Variants in CLNS1A observed in about 807,000 individuals in gnomAD.
CLNS1A encodes the protein methylosome subunit pICln.
Under a neutral mutation model 29.4 loss-of-function variants are expected in CLNS1A, and 16 were observed. That is an observed-to-expected ratio of 0.54 (90% CI 0.37 to 0.83). The LOEUF (loss-of-function observed/expected upper bound fraction) is 0.83. CLNS1A is among the 40% of genes least tolerant of loss of function. The pLI is 0.00. For missense variants in CLNS1A, 235 were observed against 287.4 expected, an observed-to-expected ratio of 0.82 and a Z score of 1.32; for synonymous variants, 96 against 104.8, an observed-to-expected ratio of 0.92 and a Z score of 0.51.
At chr11:77,631,207 T>C (rs762256086) in intron 1 of CLNS1A, among the ~76,000 whole-genome samples, 7 of 152,136 alleles carry the variant, frequency 4.6e-5, no homozygotes, top group African/African-American at 7.2e-5. Context: ...ATGAAATCAA[T>C]GTCTAACCAC....
chr11:77,624,723 G>A (rs564110255), intron 4 of CLNS1A, among the ~76,000 whole-genome samples: 7 of 152,196 alleles, frequency 4.6e-5, no homozygotes, highest in Admixed American at 1.3e-4. Flanking sequence ...GAAGGCTGAG[G>A]CAGGAGAATC....
Position 77,622,731 on chromosome 11 carries a change from A to G in CLNS1A, c.473-58T>C, listed in dbSNP as rs896188784. On this transcript the variant is annotated intron_variant, in intron 4 of 6. Transcript: ENST00000525428. The stretch of plus-strand genomic sequence containing the variant: ...CAACAATTAGAAAAAACAAAATGGA[A>G]TCAATAATATATCTGCCGCCAGCCT... 13 of 1,313,186 alleles carry G rather than the reference A, an allele frequency of 9.9e-6. No individual in the cohort carries two copies. The African/African-American group carries it at 1.9e-4, about 20-fold the overall frequency. The allele number at this position is 1,313,186 out of a possible 1,614,324, so 81.3% of individuals were successfully genotyped here.
intron 1 of CLNS1A, among the ~76,000 whole-genome samples, chr11:77,631,699 A>G (rs781162362): frequency 2.9e-4 from 44 of 151,924 alleles, no homozygotes; most frequent in Non-Finnish European, 4.4e-4. Context: ...TTCTTATTAA[A>G]AAAAAAAAAG....
intron 5 of CLNS1A, among the ~76,000 whole-genome samples, chr11:77,621,677 T>C (rs1366368694): frequency 6.6e-6 from 1 of 152,224 alleles, no homozygotes; most frequent in Admixed American, 6.5e-5. Context: ...GTTAAATTTA[T>C]GCATCAACTT....
intron 4 of CLNS1A, among the ~76,000 whole-genome samples, chr11:77,623,753 T>C (rs1385706802): frequency 1.3e-5 from 2 of 152,028 alleles, no homozygotes; most frequent in Non-Finnish European, 2.9e-5. Flanking sequence ...TGGGTACATA[T>C]GAAGGAAAGG....
rs527533415 is a variant in CLNS1A at position 77,637,667 on chromosome 11, G to A, written c.48C>T (p.Leu16=). 1 of 1,570,964 alleles carries A rather than the reference G, an allele frequency of 6.4e-7. No individual in the cohort carries two copies. Among genetic ancestry groups the A allele is most frequent in the South Asian group, 1.2e-5 (1 of 85,506 alleles). ...CCTCAGTGTCTGGCTGCTGCCGCAG[G>A]AGCCCCTCCGCTGGCCCAGGCGGCG... ...SFPPPGPAEG[L]LRQQPDTEAV... Residue 16 remains leucine (L), a synonymous_variant, in exon 1 of 7, where the codon CTC becomes CTT. Transcript: ENST00000525428.
At chr11:77,632,190 T>G (rs1332099707) in intron 1 of CLNS1A, among the ~76,000 whole-genome samples, 1 of 152,214 alleles carries the variant, frequency 6.6e-6, no homozygotes, top group African/African-American at 2.4e-5. Flanking sequence ...TTCCTTTTAA[T>G]GTGGAGAGGA....
chr11:77,636,762 G>A (rs958906372), intron 1 of CLNS1A, among the ~76,000 whole-genome samples: 3 of 152,170 alleles, frequency 2.0e-5, no homozygotes, highest in African/African-American at 4.8e-5. Flanking sequence ...TCTGGCTGTA[G>A]ACAAGTGATG....
At chr11:77,622,095 T>C in intron 5 of CLNS1A, 1 of 456,674 alleles carries the variant, frequency 2.2e-6, no homozygotes, top group Non-Finnish European at 4.4e-6. Context: ...ATCGTGGACT[T>C]CTAGCCTCCA....
chr11:77,636,383 T>G (rs767111860), intron 1 of CLNS1A, among the ~76,000 whole-genome samples: 20 of 152,188 alleles, frequency 1.3e-4, no homozygotes, highest in Non-Finnish European at 2.4e-4. Flanking sequence ...CGGTCATATG[T>G]ACAACTACTC....
Position 77,615,322 on chromosome 11 carries a change from A to G in CLNS1A, c.*1396T>C, listed in dbSNP as rs1297559904. On this transcript the variant is annotated 3_prime_UTR_variant, in exon 7 of 7. Transcript: ENST00000525428. Reference sequence around the variant, plus strand: ...ACTGGCCATTGAAATGTTAACACTGAAACCCTGCAGCAGTGGGGAGAGTGT... The same window carrying G: ...ACTGGCCATTGAAATGTTAACACTGGAACCCTGCAGCAGTGGGGAGAGTGT... The G allele has an allele frequency of 6.6e-6, 1 of 152,166 alleles. No individual in the cohort carries two copies. The highest frequency in any genetic ancestry group is 2.4e-5 in the African/African-American group (1 of 41,436). 9.4% of individuals were successfully genotyped at this position (152,166 alleles called of 1,614,324 possible).
At chr11:77,632,589 C>G (rs897344892) in intron 1 of CLNS1A, among the ~76,000 whole-genome samples, 2 of 151,718 alleles carry the variant, frequency 1.3e-5, no homozygotes, top group Non-Finnish European at 2.9e-5. Flanking sequence ...CCAAGTTCCA[C>G]ACTTAAAAAC....
At chr11:77,618,808 A>AT (rs1382544442) in intron 6 of CLNS1A, 1 of 152,266 alleles carries the variant, frequency 6.6e-6, no homozygotes, top group Non-Finnish European at 1.5e-5. Flanking sequence ...GAATTCTGAA[A>AT]TATTTATCAT....
intron 1 of CLNS1A, among the ~76,000 whole-genome samples, chr11:77,631,465 C>A (rs1469393486): frequency 6.6e-6 from 1 of 151,530 alleles, no homozygotes; most frequent in Non-Finnish European, 1.5e-5. Context: ...GGACTACAGG[C>A]GCCCGCCACC....
Position 77,614,863 on chromosome 11 carries a change from A to C in CLNS1A, c.*1855T>G, listed in dbSNP as rs540834815. 6.6e-6 allele frequency: 1 copy of C among 152,324 alleles called. No individual in the cohort carries two copies. Among genetic ancestry groups the C allele is most frequent in the South Asian group, 2.1e-4 (1 of 4,826 alleles). The allele number at this position is 152,324 out of a possible 1,614,324, so 9.4% of individuals were successfully genotyped here. On this transcript the variant is annotated 3_prime_UTR_variant, in exon 7 of 7. Coordinates refer to ENST00000525428, the MANE Select transcript of CLNS1A (RefSeq NM_001293.3). ...ATCAATAAATATTGTCTGGCTGATCATTATAAATTTTATCTTTTAAAAGCC... is the reference window on the plus strand; with the variant it reads ...ATCAATAAATATTGTCTGGCTGATCCTTATAAATTTTATCTTTTAAAAGCC...
chr11:77,633,701 T>A lies in CLNS1A; in HGVS notation c.126-3802A>T, dbSNP rs572392444. Among the ~76,000 whole-genome samples the A allele has an allele frequency of 1.6e-3, 247 of 152,200 alleles. 1 individual carries two copies. The highest frequency in any genetic ancestry group is 5.2e-3 in the East Asian group (27 of 5,186). On this transcript the variant is annotated intron_variant, in intron 1 of 6. Coordinates refer to ENST00000525428, the MANE Select transcript of CLNS1A (RefSeq NM_001293.3). ...TTTGGAATGAGATACAAAAAAAAAA[T>A]TTTAAGTTTAAATTACCTAATTTTA...
At position 77,637,727 on chromosome 11, in the gene CLNS1A, C is replaced by A; in HGVS notation, c.-13G>T. On this transcript the variant is annotated 5_prime_UTR_variant, in exon 1 of 7. Coordinates refer to ENST00000525428, the MANE Select transcript of CLNS1A (RefSeq NM_001293.3). Reference sequence around the variant, plus strand: ...TGAGGAAGCTCATAGCAGCAGAGTGCGGCAACACAGGCCCTGAGGGAGTTG... The same window carrying A: ...TGAGGAAGCTCATAGCAGCAGAGTGAGGCAACACAGGCCCTGAGGGAGTTG... The A allele has an allele frequency of 1.3e-6, 2 of 1,552,518 alleles. No individual in the cohort carries two copies. The highest frequency in any genetic ancestry group is 1.7e-6 in the Non-Finnish European group (2 of 1,147,592).
chr11:77,625,647 A>ATG (rs955617743), intron 3 of CLNS1A, 70 bp downstream of exon 3: 50 of 1,155,618 alleles, frequency 4.3e-5, no homozygotes, highest in Admixed American at 2.9e-4. Context: ...GTGTGTGTGT[A>ATG]TGTGTGTGTG....
In CLNS1A at chr11:77,619,681, C is replaced by T. The variant is rs751924576; in HGVS notation, c.661G>A (p.Asp221Asn). Residue 221 changes from aspartate (D) to asparagine (N), a missense_variant, in exon 6 of 7, where the codon GAT becomes AAT. Asp to Asn is a conservative substitution (Grantham distance 23). Coordinates refer to ENST00000525428, the MANE Select transcript of CLNS1A (RefSeq NM_001293.3). Reference sequence around the variant, plus strand: ...TGTCCAGCAACTGTTGGTGTGGTATCCACCTCCATCCCATCTAAACAAAAA... The same window carrying T: ...TGTCCAGCAACTGTTGGTGTGGTATTCACCTCCATCCCATCTAAACAAAAA... ...IRDYEDGMEV[D>N]TTPTVAGQFE... is the part of the protein sequence containing the mutation. 1 of 1,613,254 alleles carries T rather than the reference C, an allele frequency of 6.2e-7. No homozygotes were observed. Among genetic ancestry groups the T allele is most frequent in the South Asian group, 1.1e-5 (1 of 91,058 alleles).
Sources: gnomAD v4.1 joint callset for allele counts (sites outside exome capture counted in the v4.1 genomes callset) on GRCh38, gnomAD v4.1.1 for gene constraint, MANE v1.5 for transcripts, NCBI Gene and HGNC (gene_info 2026-07-23, HGNC 2026-07-21) for gene names.